The following FRK variants were observed in gnomAD, a reference collection of about 807,000 sequenced individuals.
The protein encoded by FRK is fyn related Src family tyrosine kinase.
FRK carries 51 observed loss-of-function variants against 56.4 expected under a neutral mutation model. The observed-to-expected ratio is 0.90, with a 90% CI of 0.72 to 1.14. The LOEUF is 1.14. Among genes scored for constraint, FRK ranks in the 50% most tolerant of loss-of-function variants. The probability of loss-of-function intolerance (pLI) is 0.00; values close to 1 mark genes in which losing one functional copy is unlikely to be tolerated. For synonymous variants in FRK, 245 were observed against 217.9 expected (o/e 1.12, Z -1.10); for missense variants, 570 against 601.4 (o/e 0.95, Z 0.55).
intron 1 of FRK, chr6:116,039,472 G>A: frequency 1.3e-6 from 2 of 1,545,298 alleles, no homozygotes; most frequent in Non-Finnish European, 1.8e-6. Context: ...CTAATTCGTG[G>A]ACATCATCAA....
intron 2 of FRK, among the ~76,000 whole-genome samples, chr6:115,984,511 T>G (rs1310221506): frequency 6.6e-6 from 1 of 152,092 alleles, no homozygotes; most frequent in African/African-American, 2.4e-5. Flanking sequence ...TTGATGTCTG[T>G]GCTCTGCAAC....
chr6:116,092,511 T>A, the FRK span, among the ~76,000 whole-genome samples: 1 of 152,162 alleles, frequency 6.6e-6, no homozygotes, highest in Non-Finnish European at 1.5e-5. Context: ...TTCTCGGTCC[T>A]CTTTGTGGTC....
At chr6:116,058,585 T>A (rs1250779482) in intron 1 of FRK, among the ~76,000 whole-genome samples, 1 of 152,164 alleles carries the variant, frequency 6.6e-6, no homozygotes, top group Non-Finnish European at 1.5e-5. Context: ...GAATCTCCAA[T>A]GGTTTCCCTA....
intron 2 of FRK, among the ~76,000 whole-genome samples, chr6:115,977,141 C>A (rs1216094163): frequency 6.6e-6 from 1 of 152,104 alleles, no homozygotes. Context: ...TAGCTCTACA[C>A]CAATAAGTGA....
chr6:116,084,431 G>A, the FRK span, among the ~76,000 whole-genome samples: 1 of 152,200 alleles, frequency 6.6e-6, no homozygotes, highest in Non-Finnish European at 1.5e-5. Flanking sequence ...TTCAGCTGGG[G>A]ACTGACTGTT....
intron 1 of FRK, among the ~76,000 whole-genome samples, chr6:116,029,357 C>T (rs1776215483): frequency 6.6e-6 from 1 of 152,004 alleles, no homozygotes; most frequent in South Asian, 2.1e-4. Flanking sequence ...CTGCTGTAAC[C>T]CCAGGGCCTA....
chr6:116,077,847 T>C, the FRK span, among the ~76,000 whole-genome samples: 1 of 152,328 alleles, frequency 6.6e-6, no homozygotes, highest in Admixed American at 6.5e-5. Context: ...TGTTGACATG[T>C]CTTACAAGAC....
intron 5 of FRK, among the ~76,000 whole-genome samples, chr6:115,946,892 G>A (rs1272820486): frequency 3.3e-5 from 5 of 152,142 alleles, no homozygotes; most frequent in Non-Finnish European, 5.9e-5. Flanking sequence ...TATAATAAGG[G>A]AGTCCCTGGT....
chr6:116,043,125 C>A (rs1776794220), intron 1 of FRK, among the ~76,000 whole-genome samples: 1 of 152,158 alleles, frequency 6.6e-6, no homozygotes, highest in African/African-American at 2.4e-5. Context: ...TAGACTCTCA[C>A]ACAATAATAG....
intron 5 of FRK, among the ~76,000 whole-genome samples, chr6:115,946,560 A>C (rs1772462474): frequency 6.6e-6 from 1 of 152,178 alleles, no homozygotes; most frequent in Non-Finnish European, 1.5e-5. Flanking sequence ...GAAATGACTG[A>C]AGGAAGACAA....
the FRK span, among the ~76,000 whole-genome samples, chr6:116,066,613 TCAGAAATAAGGCTCTGCTGGGGCTGTCTC>T: frequency 1.3e-5 from 2 of 152,170 alleles, no homozygotes; most frequent in East Asian, 3.9e-4. Flanking sequence ...TTCCTTATCT[TCAGAAATAAGGCTCTGCTGGGGCTGTCTC>T]CAGCCTGTCC....
intron 4 of FRK, among the ~76,000 whole-genome samples, chr6:115,958,650 AAG>A (rs1773126406): frequency 4.7e-4 from 1 of 2,130 alleles, no homozygotes. Flanking sequence ...AAAGAAAAGA[AAG>A]AAAGAAAGAA....
chr6:115,961,564 G>A (rs1067048), intron 4 of FRK, among the ~76,000 whole-genome samples: 5,414 of 54,712 alleles, frequency 0.099, 85 homozygotes, highest in African/African-American at 0.13. Context: ...GATACTCCTC[G>A]AGAAGAGCAA....
At chr6:116,003,814 AC>A in intron 2 of FRK, 62 bp downstream of exon 2, 1 of 1,575,626 alleles carries the variant, frequency 6.3e-7, no homozygotes, top group Non-Finnish European at 8.6e-7. Context: ...CCATGTTCAC[AC>A]AGAAAGCTCA....
chr6:116,093,035 G>A, the FRK span, among the ~76,000 whole-genome samples: 3 of 152,172 alleles, frequency 2.0e-5, no homozygotes, highest in Non-Finnish European at 4.4e-5. Context: ...TTTGCTGTAA[G>A]AGGGAAGGCA....
At chr6:116,087,962 T>A in the FRK span, among the ~76,000 whole-genome samples, 3 of 152,322 alleles carry the variant, frequency 2.0e-5, no homozygotes, top group African/African-American at 7.2e-5. Context: ...GGAGCCCAAG[T>A]ACAAGCACGG....
intron 1 of FRK, among the ~76,000 whole-genome samples, chr6:116,020,572 G>C (rs777686340): frequency 2.6e-5 from 4 of 152,136 alleles, no homozygotes; most frequent in Non-Finnish European, 5.9e-5. Flanking sequence ...TTACAGACGT[G>C]AGCCACTGCA....
chr6:115,948,203 G>C (rs749631193), intron 5 of FRK, among the ~76,000 whole-genome samples: 16 of 152,208 alleles, frequency 1.1e-4, no homozygotes, highest in Non-Finnish European at 1.8e-4. Context: ...CTCTAGCAAG[G>C]AGCAAAGGGC....
chr6:116,062,473 A>T (rs1228371896), upstream of FRK, among the ~76,000 whole-genome samples: 1 of 151,962 alleles, frequency 6.6e-6, no homozygotes, highest in Non-Finnish European at 1.5e-5. Flanking sequence ...AAAAAAAAAA[A>T]AAGAAAAGAA....
Sources: allele counts gnomAD v4.1 joint callset (sites outside exome capture counted in the v4.1 genomes callset), GRCh38; gene constraint gnomAD v4.1.1; transcripts MANE v1.5; gene names NCBI Gene and HGNC (gene_info 2026-07-23, HGNC 2026-07-21).